Variants in TTK observed in about 807,000 individuals in gnomAD.
TTK encodes the protein dual specificity protein kinase TTK.
TTK carries 59 observed loss-of-function variants against 117.3 expected under a neutral mutation model. That is an observed-to-expected ratio of 0.50 (90% confidence interval 0.41 to 0.62). The LOEUF (loss-of-function observed/expected upper bound fraction) is 0.62. Among genes scored for constraint, TTK ranks in the 20% least tolerant of loss-of-function variants. TTK has a pLI of 0.00. For synonymous variants in TTK, 302 were observed against 325.0 expected, an observed-to-expected ratio of 0.93 and a Z score of 0.76; for missense variants, 921 against 989.4, an observed-to-expected ratio of 0.93 and a Z score of 0.93.
intron 11 of TTK, among the ~76,000 whole-genome samples, chr6:80,024,259 G>A (rs145539748): frequency 2.6e-4 from 39 of 152,278 alleles, no homozygotes; most frequent in African/African-American, 8.9e-4. Context: ...TCCTAGGTTT[G>A]TAGTTAAGAG....
At chr6:80,012,024 A>G in intron 8 of TTK, 44 bp downstream of exon 8, 1 of 1,501,766 alleles carries the variant, frequency 6.7e-7, no homozygotes, top group East Asian at 2.3e-5. Context: ...CCGTATGGGA[A>G]GATTAATGGC....
At chr6:80,013,090 A>G (rs566695397) in intron 8 of TTK, among the ~76,000 whole-genome samples, 189 bp from the exon 9 acceptor site, 72 of 152,238 alleles carry the variant, frequency 4.7e-4, no homozygotes, top group Admixed American at 1.3e-3. Context: ...GTCATTGCCC[A>G]GCACGTAATT....
intron 4 of TTK, among the ~76,000 whole-genome samples, chr6:80,008,929 C>CTTTGTGTGTGTG (rs1040111456): frequency 1.4e-5 from 2 of 142,300 alleles, no homozygotes; most frequent in African/African-American, 5.2e-5. Flanking sequence ...AACTATATAT[C>CTTTGTGTGTGTG]TGTGTGTGTG....
chr6:80,010,424 T>C (rs1364666299), intron 4 of TTK, among the ~76,000 whole-genome samples: 2 of 150,680 alleles, frequency 1.3e-5, no homozygotes, highest in African/African-American at 2.4e-5. Context: ...AAGAGACTGA[T>C]GCTCTTGGCA....
chr6:80,029,439 A>G lies in TTK; in HGVS notation c.1521+1428A>G, dbSNP rs567702942. Among the ~76,000 whole-genome samples, 41 of 152,344 alleles carry G rather than the reference A, an allele frequency of 2.7e-4. 1 individual carries two copies. In the South Asian group the frequency reaches 8.5e-3, roughly 32 times the overall value. ...GGATTGAAACAATATAATAAATTACAAAGGAAAAACAAAAATGATCCAGTT... is the reference window on the plus strand; with the variant it reads ...GGATTGAAACAATATAATAAATTACGAAGGAAAAACAAAAATGATCCAGTT... On this transcript the variant is annotated intron_variant, in intron 13 of 21. Coordinates refer to ENST00000369798, the MANE Select transcript of TTK (RefSeq NM_003318.5).
At chr6:80,032,266 G>A (rs753239971) in intron 14 of TTK, among the ~76,000 whole-genome samples, 8 of 150,158 alleles carry the variant, frequency 5.3e-5, no homozygotes, top group East Asian at 1.9e-4. Flanking sequence ...TTTTTTTTTC[G>A]CAGTGAAGCT....
chr6:80,018,057 C>T (rs1030886759), intron 10 of TTK, among the ~76,000 whole-genome samples: 10 of 151,868 alleles, frequency 6.6e-5, no homozygotes, highest in Non-Finnish European at 1.3e-4. Context: ...TACCTGTGGT[C>T]CCAGCTATGC....
At chr6:80,008,823 T>A (rs1271648819) in intron 4 of TTK, among the ~76,000 whole-genome samples, 5 of 152,172 alleles carry the variant, frequency 3.3e-5, no homozygotes, top group Admixed American at 6.5e-5. Flanking sequence ...GCTAGAGCTT[T>A]AAATATCTAG....
intron 13 of TTK, among the ~76,000 whole-genome samples, chr6:80,029,438 C>T (rs968022361): frequency 2.6e-5 from 4 of 152,122 alleles, no homozygotes; most frequent in African/African-American, 9.7e-5. Flanking sequence ...TAATAAATTA[C>T]AAAGGAAAAA....
chr6:80,024,856 C>T (rs1466173033), intron 11 of TTK, among the ~76,000 whole-genome samples: 1 of 152,138 alleles, frequency 6.6e-6, no homozygotes, highest in African/African-American at 2.4e-5. Context: ...GCTCTCTGTT[C>T]TGTGTCCAGA....
chr6:80,035,145 A>C lies in TTK; in HGVS notation c.1772+3A>C. On this transcript the variant is annotated splice_donor_region_variant and intron_variant, in intron 15 of 21. Coordinates refer to ENST00000369798, the MANE Select transcript of TTK (RefSeq NM_003318.5). ...AAGATCATCCGACTTTATGATTAGT[A>C]AGAATTCTTTTTAAATTTAAAAAGA... is the stretch of plus-strand genomic sequence containing the variant. 6.5e-7 allele frequency: 1 copy of C among 1,547,594 alleles called. No individual in the cohort carries two copies.
At chr6:80,025,599 T>C (rs1274854801) in intron 11 of TTK, among the ~76,000 whole-genome samples, 1 of 152,212 alleles carries the variant, frequency 6.6e-6, no homozygotes, top group South Asian at 2.1e-4. Flanking sequence ...AAACTTTATG[T>C]AAAGGGTTAG....
chr6:80,022,955 A>G (rs1234656971), intron 11 of TTK, among the ~76,000 whole-genome samples: 1 of 152,228 alleles, frequency 6.6e-6, no homozygotes, highest in Non-Finnish European at 1.5e-5. Flanking sequence ...TCCTGTGGTC[A>G]TACTCATTGA....
intron 10 of TTK, among the ~76,000 whole-genome samples, chr6:80,015,668 T>C (rs1767288162): frequency 6.6e-6 from 1 of 152,236 alleles, no homozygotes; most frequent in African/African-American, 2.4e-5. Context: ...CTATTGTAAC[T>C]GGTATGATTG....
intron 10 of TTK, among the ~76,000 whole-genome samples, chr6:80,017,030 G>T (rs1415883907): frequency 6.6e-6 from 1 of 152,206 alleles, no homozygotes; most frequent in East Asian, 1.9e-4. Flanking sequence ...CATCAGGCAA[G>T]ATATTTCCAT....
In TTK at chr6:80,005,829, G is replaced by GT. The variant is rs777537218; in HGVS notation, c.-2-6dup. 9 of 1,610,720 alleles carry GT rather than the reference G, an allele frequency of 5.6e-6. No homozygotes were observed. The Admixed American group carries it at 6.8e-5, about 12-fold the overall frequency. ...TTAAAGTAGGAGTTATGACTGTTCA[G>GT]TTTTTTTCTTAGAAATGGAATCCGA... On this transcript the variant is annotated splice_polypyrimidine_tract_variant and intron_variant, in intron 1 of 21. Coordinates refer to ENST00000369798, the MANE Select transcript of TTK (RefSeq NM_003318.5).
chr6:80,006,280 T>A lies in TTK; in HGVS notation c.139+298T>A, dbSNP rs568656227. ...AAGTATTAGCTCAGAAGCCTGATTCTTTACTGTATTTCAAATGGTTGGTCA... is the reference window on the plus strand; with the variant it reads ...AAGTATTAGCTCAGAAGCCTGATTCATTACTGTATTTCAAATGGTTGGTCA... On this transcript the variant is annotated intron_variant, in intron 2 of 21. Transcript: ENST00000369798. 3.5e-4 allele frequency: 112 copies of A among 317,964 alleles called. 1 individual carries two copies. The highest frequency in any genetic ancestry group is 5.9e-4 in the Non-Finnish European group (99 of 167,410). 19.7% of individuals were successfully genotyped at this position (317,964 alleles called of 1,614,324 possible).
chr6:80,028,898 C>G (rs1190691238), intron 13 of TTK, among the ~76,000 whole-genome samples: 4 of 152,096 alleles, frequency 2.6e-5, no homozygotes, highest in Admixed American at 6.6e-5. Flanking sequence ...TACTTACAGT[C>G]TGTGTGATCT....
In TTK at chr6:80,037,976, G is replaced by C; in HGVS notation, c.2059G>C (p.Val687Leu). 1.9e-6 allele frequency: 3 copies of C among 1,607,486 alleles called. No individual in the cohort carries two copies. The highest frequency in any genetic ancestry group is 2.6e-6 in the Non-Finnish European group (3 of 1,176,288). ...SVVKDSQVGT[V>L]NYMPPEAIKD... ...CTGACTTGGCATATAGGTTGGCACA[G>C]TTAATTATATGCCACCAGAAGCAAT... The change falls in exon 18 of 22, where the codon GTT becomes CTT. Residue 687 changes from valine to leucine, a missense_variant. Val to Leu is a conservative substitution (Grantham distance 32). Coordinates refer to ENST00000369798, the MANE Select transcript of TTK (RefSeq NM_003318.5).
Sources: gnomAD v4.1 joint callset for allele counts (sites outside exome capture counted in the v4.1 genomes callset) on GRCh38, gnomAD v4.1.1 for gene constraint, MANE v1.5 for transcripts, NCBI Gene and HGNC (gene_info 2026-07-23, HGNC 2026-07-21) for gene names.